The following COMMD1 variants were observed in gnomAD, a reference collection of about 807,000 sequenced individuals.
COMMD1 encodes the protein copper metabolism domain containing 1, also known as COMM domain-containing protein 1.
COMMD1 carries 10 observed loss-of-function variants against 17.2 expected under a neutral mutation model. The ratio of observed to expected loss-of-function variants is 0.58; its 90% CI spans 0.36 to 0.99. COMMD1 has a LOEUF of 0.99. Among genes scored for constraint, COMMD1 ranks in the 50% least tolerant of loss-of-function variants. The pLI, the probability that COMMD1 is intolerant of heterozygous loss-of-function variation, is 0.01. For synonymous variants in COMMD1, 97 were observed against 91.6 expected (o/e 1.06, Z -0.34); for missense variants, 270 against 231.8 (o/e 1.17, Z -1.07).
intron 2 of COMMD1, among the ~76,000 whole-genome samples, chr2:62,044,354 T>C (rs1401042997): frequency 6.6e-6 from 1 of 152,232 alleles, no homozygotes; most frequent in African/African-American, 2.4e-5. Context: ...GGAGAGATCT[T>C]TATGTTATGT....
At chr2:61,924,061 G>A (rs755611575) in intron 1 of COMMD1, among the ~76,000 whole-genome samples, 2 of 152,180 alleles carry the variant, frequency 1.3e-5, no homozygotes, top group African/African-American at 2.4e-5. Flanking sequence ...ACAGGTGTGA[G>A]CCACAACGCC....
intron 2 of COMMD1, among the ~76,000 whole-genome samples, chr2:62,023,095 A>T (rs1669653778): frequency 6.6e-6 from 1 of 152,094 alleles, no homozygotes; most frequent in Non-Finnish European, 1.5e-5. Context: ...GCATGGTGGC[A>T]CATGCCTGTA....
intron 1 of COMMD1, among the ~76,000 whole-genome samples, chr2:61,975,821 C>G (rs1671786284): frequency 6.6e-6 from 1 of 152,068 alleles, no homozygotes; most frequent in Non-Finnish European, 1.5e-5. Context: ...TCATTGAGGT[C>G]TAAGAGCATA....
At chr2:62,039,104 G>C (rs954101685) in intron 2 of COMMD1, among the ~76,000 whole-genome samples, 1 of 152,138 alleles carries the variant, frequency 6.6e-6, no homozygotes, top group African/African-American at 2.4e-5. Context: ...TTTATTTCCA[G>C]CCTTTGAAGG....
At chr2:62,069,548 A>G (rs1457807832) in intron 2 of COMMD1, 1 of 152,194 alleles carries the variant, frequency 6.6e-6, no homozygotes, top group Non-Finnish European at 1.5e-5. Context: ...TGAAGGGGAC[A>G]GAATTGATGT....
chr2:61,952,147 A>T (rs1377135017), intron 1 of COMMD1, among the ~76,000 whole-genome samples: 1 of 152,232 alleles, frequency 6.6e-6, no homozygotes. Flanking sequence ...GGTATAGGCC[A>T]AGCTCATGAT....
chr2:61,918,899 T>G (rs1453187750), intron 1 of COMMD1, among the ~76,000 whole-genome samples: 2 of 152,238 alleles, frequency 1.3e-5, no homozygotes, highest in African/African-American at 4.8e-5. Context: ...AATTTGGACT[T>G]CTGTTATGTG....
intron 2 of COMMD1, among the ~76,000 whole-genome samples, chr2:62,010,981 G>A (rs576135896): frequency 2.0e-5 from 3 of 152,174 alleles, no homozygotes; most frequent in South Asian, 4.1e-4. Context: ...CCCTTACTTC[G>A]TCTACTCTAG....
At position 62,104,601 on chromosome 2, in the gene COMMD1, T is replaced by G. The variant is rs546149283; in HGVS notation, c.463-31230T>G. Among the ~76,000 whole-genome samples the G allele has an allele frequency of 7.1e-5, 9 of 126,650 alleles. No homozygotes were observed. The South Asian group carries it at 2.2e-3, about 31-fold the overall frequency. 83.1% of individuals were successfully genotyped at this position (126,650 alleles called of 152,430 possible). ...GTGAGTCGAGATCGCGCCACTGTAC[T>G]CCAGCCTGGGCAACAGAGTGAGACT... On this transcript the variant is annotated intron_variant, in intron 2 of 2. Coordinates refer to ENST00000311832, the MANE Select transcript of COMMD1 (RefSeq NM_152516.4).
At chr2:62,064,292 G>C (rs1670964394) in intron 2 of COMMD1, among the ~76,000 whole-genome samples, 1 of 151,998 alleles carries the variant, frequency 6.6e-6, no homozygotes, top group Non-Finnish European at 1.5e-5. Context: ...TCCTGCTTCA[G>C]CTTCCCAAGT....
chr2:61,893,617 C>T (rs948317904), intron 1 of COMMD1, among the ~76,000 whole-genome samples: 50 of 152,090 alleles, frequency 3.3e-4, no homozygotes, highest in African/African-American at 1.0e-3. Context: ...AGTTCGAGAC[C>T]AGCCTGGCCA....
chr2:62,100,617 G>A (rs1224558466), intron 2 of COMMD1, among the ~76,000 whole-genome samples: 2 of 152,148 alleles, frequency 1.3e-5, no homozygotes, highest in African/African-American at 4.8e-5. Flanking sequence ...AACATTTTCT[G>A]GTGACAATTG....
chr2:61,895,785 C>T (rs1053399788), intron 1 of COMMD1, among the ~76,000 whole-genome samples: 2 of 152,150 alleles, frequency 1.3e-5, no homozygotes, highest in Non-Finnish European at 2.9e-5. Flanking sequence ...GGAAGCTTAC[C>T]AGGAAACAGG....
chr2:61,902,418 A>G (rs1197191061), upstream of COMMD1, among the ~76,000 whole-genome samples: 3 of 151,944 alleles, frequency 2.0e-5, no homozygotes, highest in African/African-American at 7.2e-5. Context: ...AGGCAGGAGA[A>G]TCGTTTGAAC....
At chr2:62,097,623 G>T (rs916391168) in intron 2 of COMMD1, among the ~76,000 whole-genome samples, 3 of 152,058 alleles carry the variant, frequency 2.0e-5, no homozygotes, top group African/African-American at 7.2e-5. Context: ...GGTGTATGGG[G>T]GTACTATCTA....
intron 2 of COMMD1, among the ~76,000 whole-genome samples, chr2:62,077,771 G>A (rs1671386534): frequency 6.6e-6 from 1 of 152,038 alleles, no homozygotes; most frequent in African/African-American, 2.4e-5. Context: ...AAGGTGGTCG[G>A]GGTGCAGCTT....
chr2:62,019,974 G>A (rs1021783961), intron 2 of COMMD1, among the ~76,000 whole-genome samples: 34 of 152,162 alleles, frequency 2.2e-4, no homozygotes, highest in Middle Eastern at 3.4e-3. Flanking sequence ...TTCATCCCAC[G>A]TGCAGAATAC....
Position 61,932,422 on chromosome 2 carries a change from G to T in COMMD1, c.180+26564G>T, listed in dbSNP as rs184687796. Among the ~76,000 whole-genome samples, 13 of 152,298 alleles carry T rather than the reference G, an allele frequency of 8.5e-5. No homozygotes were observed. In the East Asian group the frequency reaches 2.5e-3, roughly 29 times the overall value. On this transcript the variant is annotated intron_variant, in intron 1 of 2. Coordinates refer to ENST00000311832, the MANE Select transcript of COMMD1 (RefSeq NM_152516.4). ...GCTCAAATGAGATGTGTAAATAAAA[G>T]AACCATTGGCTTTATATTCTTTTTT...
chr2:61,890,850 A>G lies in COMMD1; in HGVS notation n.119+2008A>G, dbSNP rs533774288. Among the ~76,000 whole-genome samples the G allele has an allele frequency of 2.0e-4, 28 of 136,704 alleles. No individual in the cohort carries two copies. In the East Asian group the frequency reaches 5.9e-3, roughly 29 times the overall value. The allele number at this position is 136,704 out of a possible 152,430, so 89.7% of individuals were successfully genotyped here. A position where few individuals can be genotyped will look rare whatever the true frequency, so the allele number is the denominator to read the frequency against. ...TCAAAAAAAAAAAAAAAAAAAAAAG[A>G]AGGATATTAGCACTAGGAAATGAAG... is the stretch of plus-strand genomic sequence containing the variant. On this transcript the variant is annotated intron_variant and non_coding_transcript_variant, in intron 1 of 2. Transcript: ENST00000472729.
Sources: allele counts gnomAD v4.1 joint callset (sites outside exome capture counted in the v4.1 genomes callset), GRCh38; gene constraint gnomAD v4.1.1; transcripts MANE v1.5; gene names NCBI Gene and HGNC (gene_info 2026-07-23, HGNC 2026-07-21).